The following SDK1 variants were observed in gnomAD, a reference collection of about 807,000 sequenced individuals.
SDK1 encodes sidekick cell adhesion molecule 1.
Under a neutral mutation model 245.5 loss-of-function variants are expected in SDK1, and 157 were observed. That is an observed-to-expected ratio of 0.64 (90% CI 0.56 to 0.73). The LOEUF (loss-of-function observed/expected upper bound fraction) is 0.73. Among genes scored for constraint, SDK1 ranks in the 30% least tolerant of loss-of-function variants. SDK1 has a pLI of 0.00. For synonymous variants in SDK1, 1,647 were observed against 1,278.5 expected (o/e 1.29, Z -6.15); for missense variants, 3,583 against 3,002.3 (o/e 1.19, Z -4.52).
intron 14 of SDK1, among the ~76,000 whole-genome samples, chr7:4,006,613 A>G (rs1785503719): frequency 6.6e-6 from 1 of 152,106 alleles, no homozygotes; most frequent in African/African-American, 2.4e-5. Context: ...TTTTTTTTGT[A>G]TGAATCAGGG....
chr7:3,864,580 G>C (rs910665345), intron 5 of SDK1, among the ~76,000 whole-genome samples: 1 of 152,148 alleles, frequency 6.6e-6, no homozygotes, highest in Admixed American at 6.5e-5. Context: ...AACCAGAGCT[G>C]AACTTGGCCA....
chr7:3,669,355 C>T (rs931101791), intron 4 of SDK1, among the ~76,000 whole-genome samples: 2 of 152,164 alleles, frequency 1.3e-5, no homozygotes, highest in South Asian at 2.1e-4. Flanking sequence ...GGAACATGTT[C>T]AGGTTTTACA....
intron 2 of SDK1, among the ~76,000 whole-genome samples, chr7:3,622,841 T>G (rs542500096): frequency 6.6e-6 from 1 of 152,166 alleles, no homozygotes; most frequent in Non-Finnish European, 1.5e-5. Flanking sequence ...AATTATATTA[T>G]GTTCCACGAG....
chr7:3,472,789 G>A (rs370974849), intron 1 of SDK1, among the ~76,000 whole-genome samples: 1 of 152,194 alleles, frequency 6.6e-6, no homozygotes, highest in African/African-American at 2.4e-5. Flanking sequence ...AACAGTACCA[G>A]CATGAGAACA....
intron 1 of SDK1, among the ~76,000 whole-genome samples, chr7:3,391,632 C>G (rs1583788454): frequency 7.3e-6 from 1 of 136,976 alleles, no homozygotes. Flanking sequence ...ATCCTGTTAA[C>G]TGATTTTTTT....
chr7:3,457,174 C>T (rs1334008907), intron 1 of SDK1, among the ~76,000 whole-genome samples: 1 of 152,062 alleles, frequency 6.6e-6, no homozygotes. Context: ...TTGGTCCGGG[C>T]AAGGAGTGAG....
intron 17 of SDK1, among the ~76,000 whole-genome samples, chr7:4,028,305 C>T (rs1390351219): frequency 1.3e-5 from 2 of 152,152 alleles, no homozygotes; most frequent in African/African-American, 2.4e-5. Flanking sequence ...TAACCATGAG[C>T]CCCACCAGCT....
chr7:3,466,458 G>T (rs1294357370), intron 1 of SDK1, among the ~76,000 whole-genome samples: 1 of 146,412 alleles, frequency 6.8e-6, no homozygotes, highest in Non-Finnish European at 1.5e-5. Context: ...TTTTTATCTA[G>T]TATGCGTCCT....
In SDK1 at chr7:3,952,643, T is replaced by C. The variant is rs141237140; in HGVS notation, c.1150+723T>C. 1.6e-4 allele frequency among the ~76,000 whole-genome samples: 24 copies of C among 152,202 alleles called. No individual in the cohort carries two copies. The East Asian group carries it at 4.6e-3, about 29-fold the overall frequency. On this transcript the variant is annotated intron_variant, in intron 7 of 44. Coordinates refer to ENST00000404826, the MANE Select transcript of SDK1 (RefSeq NM_152744.4). The stretch of plus-strand genomic sequence containing the variant: ...TAATTATTAATTTAGCTGTTATTTT[T>C]TGACCTAGCAGAAAATGTAAAACTA...
At chr7:3,322,703 C>T (rs1182156277) in intron 1 of SDK1, among the ~76,000 whole-genome samples, 1 of 152,172 alleles carries the variant, frequency 6.6e-6, no homozygotes, top group African/African-American at 2.4e-5. Context: ...TTTTCCTTTG[C>T]AGTGTAATCT....
intron 22 of SDK1, among the ~76,000 whole-genome samples, chr7:4,086,215 C>A (rs1418037497): frequency 6.6e-6 from 1 of 152,140 alleles, no homozygotes; most frequent in East Asian, 1.9e-4. Flanking sequence ...CACAGGTCTG[C>A]CCGGTGTGCA....
chr7:3,352,381 C>A (rs1000497406), intron 1 of SDK1, among the ~76,000 whole-genome samples: 1 of 151,928 alleles, frequency 6.6e-6, no homozygotes, highest in African/African-American at 2.4e-5. Context: ...ATTGTTTGAG[C>A]TAAATGGGGG....
At chr7:3,867,748 A>G (rs1490789140) in intron 5 of SDK1, among the ~76,000 whole-genome samples, 2 of 152,190 alleles carry the variant, frequency 1.3e-5, no homozygotes, top group African/African-American at 2.4e-5. Context: ...CACTTAAAAT[A>G]TGGTTTTTGA....
At chr7:3,580,981 A>AAAAAAC (rs1562578275) in intron 1 of SDK1, among the ~76,000 whole-genome samples, 3 of 139,288 alleles carry the variant, frequency 2.2e-5, no homozygotes, top group African/African-American at 8.0e-5. Context: ...AAAAAAAAAA[A>AAAAAAC]AAAAAAAAAA....
chr7:3,847,603 A>G (rs1038501590), intron 5 of SDK1, among the ~76,000 whole-genome samples: 1 of 152,142 alleles, frequency 6.6e-6, no homozygotes, highest in Non-Finnish European at 1.5e-5. Flanking sequence ...TCATGCTCTC[A>G]TTATCTCTCA....
At chr7:3,506,115 A>G (rs1782383580) in intron 1 of SDK1, among the ~76,000 whole-genome samples, 1 of 152,094 alleles carries the variant, frequency 6.6e-6, no homozygotes, top group Admixed American at 6.6e-5. Flanking sequence ...ATCTGACAAC[A>G]CTTTCTCTTT....
chr7:3,656,700 G>C (rs965668815), intron 4 of SDK1, among the ~76,000 whole-genome samples: 92 of 151,234 alleles, frequency 6.1e-4, no homozygotes, highest in Non-Finnish European at 1.0e-3. Flanking sequence ...GACAAGCCTG[G>C]TCTTATCTGG....
At chr7:4,223,075 T>A (rs1785231126) in intron 40 of SDK1, among the ~76,000 whole-genome samples, 2 of 146,160 alleles carry the variant, frequency 1.4e-5, no homozygotes, top group South Asian at 2.2e-4. Flanking sequence ...AGAGCAAGGC[T>A]CCGTCTCAAA....
intron 1 of SDK1, among the ~76,000 whole-genome samples, chr7:3,344,944 C>T (rs982394952): frequency 2.6e-5 from 4 of 152,160 alleles, no homozygotes; most frequent in African/African-American, 7.2e-5. Flanking sequence ...CACAAATTGA[C>T]CTACCACACA....
Sources: gnomAD v4.1 joint callset for allele counts (sites outside exome capture counted in the v4.1 genomes callset) on GRCh38, gnomAD v4.1.1 for gene constraint, MANE v1.5 for transcripts, NCBI Gene and HGNC (gene_info 2026-07-23, HGNC 2026-07-21) for gene names.